GC: variants seen among roughly 807,000 people sequenced by gnomAD.
The protein encoded by GC is GC vitamin D binding protein, also known as vitamin D-binding protein.
A neutral mutation model predicts 56.7 loss-of-function variants in GC; 43 were observed. The observed-to-expected ratio is 0.76, with a 90% CI of 0.59 to 0.98. GC has a LOEUF of 0.98. GC is among the 50% of genes least tolerant of loss of function. GC has a pLI of 0.00. For synonymous variants in GC, 216 were observed against 202.7 expected (o/e 1.07, Z -0.56); for missense variants, 529 against 545.9 (o/e 0.97, Z 0.31).
intron 1 of GC, among the ~76,000 whole-genome samples, chr4:71,771,833 T>C (rs140422392): frequency 5.1e-4 from 78 of 152,264 alleles, no homozygotes; most frequent in African/African-American, 1.7e-3. Context: ...AATTGAAGAC[T>C]AGAACACAGA....
At chr4:71,764,873 A>G (rs932851814) in intron 4 of GC, among the ~76,000 whole-genome samples, 1 of 152,158 alleles carries the variant, frequency 6.6e-6, no homozygotes, top group Non-Finnish European at 1.5e-5. Context: ...GTGACCTTCC[A>G]AGACTAACAT....
At chr4:71,803,944 C>G in exon 1 of GC, 1 of 1,505,474 alleles carries the variant, frequency 6.6e-7, no homozygotes, top group Non-Finnish European at 8.9e-7. Context: ...AAGACCACAG[C>G]ATTTCCTACC....
chr4:71,768,270 G>A (rs1032060082), intron 3 of GC, 31 bp downstream of exon 3: 10 of 1,544,500 alleles, frequency 6.5e-6, no homozygotes, highest in Non-Finnish European at 7.9e-6. Context: ...TCTCTGGGCT[G>A]CCACAGAGAC....
intron 1 of GC, among the ~76,000 whole-genome samples, chr4:71,781,950 A>G (rs1742694098): frequency 6.6e-6 from 1 of 151,792 alleles, no homozygotes; most frequent in African/African-American, 2.4e-5. Flanking sequence ...AGGTATAGAC[A>G]TTGTAGAAAA....
intron 1 of GC, among the ~76,000 whole-genome samples, chr4:71,782,604 A>T (rs1742718856): frequency 6.6e-6 from 1 of 151,810 alleles, no homozygotes; most frequent in African/African-American, 2.4e-5. Flanking sequence ...TTATTCTCCA[A>T]AGGACACTTT....
intron 12 of GC, among the ~76,000 whole-genome samples, chr4:71,743,261 G>T (rs543540287): frequency 1.4e-4 from 22 of 152,160 alleles, no homozygotes; most frequent in Non-Finnish European, 3.1e-4. Flanking sequence ...ACTAGAGATG[G>T]GTAGGCTTAA....
intron 1 of GC, among the ~76,000 whole-genome samples, chr4:71,791,810 T>G (rs1442318271): frequency 6.6e-6 from 1 of 152,114 alleles, no homozygotes; most frequent in African/African-American, 2.4e-5. Context: ...ATGCTATCCC[T>G]TCACCAACCC....
intron 1 of GC, among the ~76,000 whole-genome samples, chr4:71,776,984 C>T (rs1012697746): frequency 3.3e-5 from 5 of 151,876 alleles, no homozygotes; most frequent in East Asian, 1.9e-4. Flanking sequence ...AACAGATCCC[C>T]GAGCCATTTA....
chr4:71,765,886 A>T (rs1219904060), intron 3 of GC, among the ~76,000 whole-genome samples: 1 of 152,170 alleles, frequency 6.6e-6, no homozygotes, highest in East Asian at 1.9e-4. Flanking sequence ...ACTTTGAATA[A>T]CAAATGGACA....
intron 1 of GC, among the ~76,000 whole-genome samples, chr4:71,790,887 G>A (rs1455195617): frequency 6.6e-6 from 1 of 151,808 alleles, no homozygotes; most frequent in East Asian, 1.9e-4. Context: ...TTTAGCATTA[G>A]GTATATGTCC....
At chr4:71,802,560 A>G (rs1197035192) in intron 1 of GC, among the ~76,000 whole-genome samples, 1 of 152,184 alleles carries the variant, frequency 6.6e-6, no homozygotes, top group Non-Finnish European at 1.5e-5. Context: ...TGAAAATGTC[A>G]TAAGTTGAAA....
At chr4:71,761,274 T>A (rs1266716705) in intron 6 of GC, among the ~76,000 whole-genome samples, 1 of 152,140 alleles carries the variant, frequency 6.6e-6, no homozygotes, top group African/African-American at 2.4e-5. Context: ...ACTGGTGACA[T>A]TTTGCCCCGG....
intron 11 of GC, among the ~76,000 whole-genome samples, chr4:71,748,147 A>G (rs181575962): frequency 6.6e-6 from 1 of 152,308 alleles, no homozygotes; most frequent in South Asian, 2.1e-4. Context: ...ATTAATTAAC[A>G]TCTAGAATTG....
intron 1 of GC, among the ~76,000 whole-genome samples, chr4:71,801,926 T>G (rs1480248180): frequency 2.0e-5 from 3 of 151,190 alleles, no homozygotes; most frequent in Non-Finnish European, 4.4e-5. Flanking sequence ...TGGAAGTCAA[T>G]TACAATGCTT....
intron 1 of GC, among the ~76,000 whole-genome samples, chr4:71,792,974 T>C (rs979331841): frequency 1.3e-5 from 2 of 152,012 alleles, no homozygotes; most frequent in Non-Finnish European, 2.9e-5. Flanking sequence ...TGGTTGTAGA[T>C]GGGTGGTGTT....
At chr4:71,781,233 C>T (rs1417946576) in intron 1 of GC, among the ~76,000 whole-genome samples, 2 of 151,226 alleles carry the variant, frequency 1.3e-5, no homozygotes. Context: ...TGGGGCCTGT[C>T]ATGGGGTGGG....
chr4:71,792,643 G>T (rs1453676670), intron 1 of GC, among the ~76,000 whole-genome samples: 1 of 151,990 alleles, frequency 6.6e-6, no homozygotes, highest in East Asian at 1.9e-4. Flanking sequence ...TTCTTTTGCT[G>T]TGCAGAAGCT....
intron 1 of GC, among the ~76,000 whole-genome samples, chr4:71,803,571 A>G (rs138553696): frequency 2.0e-5 from 3 of 152,312 alleles, no homozygotes; most frequent in African/African-American, 7.2e-5. Flanking sequence ...CAGTAAAAAT[A>G]CCGGGTATTT....
At chr4:71,773,568 A>C (rs533971257) in intron 1 of GC, among the ~76,000 whole-genome samples, 6 of 152,050 alleles carry the variant, frequency 3.9e-5, no homozygotes, top group African/African-American at 7.2e-5. Context: ...GGGATAGCTA[A>C]TAAGATACTG....
Sources: gnomAD v4.1 joint callset for allele counts (sites outside exome capture counted in the v4.1 genomes callset) on GRCh38, gnomAD v4.1.1 for gene constraint, MANE v1.5 for transcripts, NCBI Gene and HGNC (gene_info 2026-07-23, HGNC 2026-07-21) for gene names.